The following CTRB2 variants were observed in gnomAD, a reference collection of about 807,000 sequenced individuals.
CTRB2 encodes the protein chymotrypsin B2.
Under a neutral mutation model 19.3 loss-of-function variants are expected in CTRB2, and 9 were observed. The ratio of observed to expected loss-of-function variants is 0.47; its 90% confidence interval spans 0.28 to 0.81. The LOEUF (loss-of-function observed/expected upper bound fraction) is 0.81, where lower values mean the gene tolerates loss of function less well. Among genes scored for constraint, CTRB2 ranks in the 40% least tolerant of loss-of-function variants. CTRB2 has a pLI of 0.11. For synonymous variants in CTRB2, 98 were observed against 117.3 expected, an observed-to-expected ratio of 0.84 and a Z score of 1.06; for missense variants, 210 against 269.7, an observed-to-expected ratio of 0.78 and a Z score of 1.55.
rs1002232425 is a variant in CTRB2 at position 75,204,657 on chromosome 16, C to T, written c.630+116G>A. 6 of 1,537,960 alleles carry T rather than the reference C, an allele frequency of 3.9e-6. No individual in the cohort carries two copies. In the Admixed American group the frequency reaches 9.9e-5, roughly 25 times the overall value. Reference sequence around the variant, plus strand: ...GCGGCTGTGACCCCAAGGCCTGGCCCTCACTGGGCCCCAGGAGGGTGTGGG... The same window carrying T: ...GCGGCTGTGACCCCAAGGCCTGGCCTTCACTGGGCCCCAGGAGGGTGTGGG... On this transcript the variant is annotated intron_variant, in intron 6 of 6. Coordinates refer to ENST00000303037, the MANE Select transcript of CTRB2 (RefSeq NM_001025200.4).
rs1373383909 is a variant in CTRB2 at position 75,204,138 on chromosome 16, C to G, written c.*23G>C. 2 of 1,614,080 alleles carry G rather than the reference C, an allele frequency of 1.2e-6. No homozygotes were observed. Among genetic ancestry groups the G allele is most frequent in the Non-Finnish European group, 8.5e-7 (1 of 1,179,944 alleles). ...ATGCATTTAATGGGAAATCTTAAGG[C>G]AGGGGTGGCAGGAGCTGCGGGCTCA... On this transcript the variant is annotated 3_prime_UTR_variant, in exon 7 of 7. Coordinates refer to ENST00000303037, the MANE Select transcript of CTRB2 (RefSeq NM_001025200.4).
chr16:75,204,706 G>A, intron 6 of CTRB2, 67 bp downstream of exon 6: 1 of 1,540,962 alleles, frequency 6.5e-7, no homozygotes, highest in Non-Finnish European at 8.8e-7. Flanking sequence ...AGCAGAGAGG[G>A]GTGGAAAGCC....
At chr16:75,204,597 A>C (rs1382878411) in intron 6 of CTRB2, 176 bp downstream of exon 6, 2 of 1,297,322 alleles carry the variant, frequency 1.5e-6, no homozygotes, top group Non-Finnish European at 2.1e-6. Flanking sequence ...CCCCAGGGGC[A>C]GCCTCAGCTG....
In CTRB2 at chr16:75,204,237, G is replaced by C; in HGVS notation, c.716C>G (p.Ser239Cys). Residue 239 changes from serine (S) to cysteine (C), a missense_variant, in exon 7 of 7, where the codon TCT becomes TGT. Physicochemically the swap from Ser to Cys is moderately radical, Grantham distance 112. Transcript: ENST00000303037. ...GGCGTACACAGCGGGCGTGGTGGTA[G>C]AGCAGGTGCGGCTGCCCCAGGACAC... ...GIVSWGSRTC[S>C]TTTPAVYARV... is the part of the protein sequence containing the mutation. The C allele has an allele frequency of 1.9e-6, 3 of 1,614,120 alleles. 1 individual carries two copies. In the South Asian group the frequency reaches 3.3e-5, roughly 18 times the overall value.
chr16:75,204,114 T>C lies in CTRB2; in HGVS notation c.*47A>G, dbSNP rs780969316. 7 of 1,612,288 alleles carry C rather than the reference T, an allele frequency of 4.3e-6. No individual in the cohort carries two copies. The highest frequency in any genetic ancestry group is 3.3e-5 in the South Asian group (3 of 91,040). Reference sequence around the variant, plus strand: ...AGTGCAGTCAGGGCTTCTAAACAGATGCATTTAATGGGAAATCTTAAGGCA... The same window carrying C: ...AGTGCAGTCAGGGCTTCTAAACAGACGCATTTAATGGGAAATCTTAAGGCA... On this transcript the variant is annotated 3_prime_UTR_variant, in exon 7 of 7. Coordinates refer to ENST00000303037, the MANE Select transcript of CTRB2 (RefSeq NM_001025200.4).
At chr16:75,204,693 G>C in intron 6 of CTRB2, 80 bp downstream of exon 6, 2 of 1,545,082 alleles carry the variant, frequency 1.3e-6, no homozygotes, top group Non-Finnish European at 1.7e-6. Flanking sequence ...GTTAGTAGAT[G>C]AGAGCAGAGA....
At position 75,206,206 on chromosome 16, in the gene CTRB2, G is replaced by T. The variant is rs1239418585; in HGVS notation, c.53-13C>A. 2 of 1,555,240 alleles carry T rather than the reference G, an allele frequency of 1.3e-6. No homozygotes were observed. Among genetic ancestry groups the T allele is most frequent in the Non-Finnish European group, 1.7e-6 (2 of 1,148,820 alleles). ...GGGACCCCGCAGCCTGGGGGCGGGA[G>T]TGGGCTGAGGGGTGGGTACCACCCA... is the stretch of plus-strand genomic sequence containing the variant. On this transcript the variant is annotated splice_polypyrimidine_tract_variant and intron_variant, in intron 1 of 6. Transcript: ENST00000303037.
At chr16:75,206,663 T>C in intron 1 of CTRB2, 1 of 305,930 alleles carries the variant, frequency 3.3e-6, no homozygotes, top group South Asian at 3.6e-5. Flanking sequence ...GAGCAGGAGT[T>C]TAAGAGGGTG....
chr16:75,204,329 G>C lies in CTRB2; in HGVS notation c.631-7C>G. 1.2e-6 allele frequency: 2 copies of C among 1,613,672 alleles called. No homozygotes were observed. Among genetic ancestry groups the C allele is most frequent in the Non-Finnish European group, 1.7e-6 (2 of 1,179,860 alleles). ...GGGGGCCTCCAGAGTCACCCTGCAG[G>C]AAGGAGAGGAAGTATCTCTAGGCCT... On this transcript the variant is annotated splice_polypyrimidine_tract_variant and splice_region_variant and intron_variant, in intron 6 of 6. Coordinates refer to ENST00000303037, the MANE Select transcript of CTRB2 (RefSeq NM_001025200.4).
chr16:75,204,243 G>A lies in CTRB2; in HGVS notation c.710C>T (p.Thr237Ile), dbSNP rs752798185. The change falls in exon 7 of 7, where the codon ACC becomes ATC. Residue 237 changes from threonine (T) to isoleucine (I), a missense_variant. Transcript: ENST00000303037. Reference protein sequence around the residue: ...LVGIVSWGSRTCSTTTPAVYA... With the variant: ...LVGIVSWGSRICSTTTPAVYA... ...CACAGCGGGCGTGGTGGTAGAGCAG[G>A]TGCGGCTGCCCCAGGACACAATGCC... 3 of 1,614,124 alleles carry A rather than the reference G, an allele frequency of 1.9e-6. No individual in the cohort carries two copies. The highest frequency in any genetic ancestry group is 3.3e-5 in the Admixed American group (2 of 60,018).
rs1434754261 is a variant in CTRB2, at chr16:75,204,925, G to T, written c.497-19C>A. The T allele has an allele frequency of 1.1e-6, 1 of 914,714 alleles. No homozygotes were observed. The highest frequency in any genetic ancestry group is 1.6e-6 in the Non-Finnish European group (1 of 631,490). The allele number at this position is 914,714 out of a possible 1,614,324, so 56.7% of individuals were successfully genotyped here. A position where few individuals can be genotyped will look rare whatever the true frequency, so the allele number is the denominator to read the frequency against. Reference sequence around the variant, plus strand: ...TTGTTGGCTGCAGGACAGGAGGAGGGTCAGGGCCCCTGGGCTCACTCAGCC... The same window carrying T: ...TTGTTGGCTGCAGGACAGGAGGAGGTTCAGGGCCCCTGGGCTCACTCAGCC... On this transcript the variant is annotated intron_variant, in intron 5 of 6. Coordinates refer to ENST00000303037, the MANE Select transcript of CTRB2 (RefSeq NM_001025200.4).
At chr16:75,206,237 G>A in intron 1 of CTRB2, 44 bp from the exon 2 acceptor site, 2 of 1,523,900 alleles carry the variant, frequency 1.3e-6, no homozygotes, top group Non-Finnish European at 1.8e-6. Flanking sequence ...ACCCACCCAG[G>A]TCCTAATGCT....
Position 75,206,199 on chromosome 16 carries a change from G to A in CTRB2, c.53-6C>T, listed in dbSNP as rs772528086. ...GATGGCGGGGACCCCGCAGCCTGGG[G>A]GCGGGAGTGGGCTGAGGGGTGGGTA... is the stretch of plus-strand genomic sequence containing the variant. On this transcript the variant is annotated splice_region_variant and splice_polypyrimidine_tract_variant and intron_variant, in intron 1 of 6. Coordinates refer to ENST00000303037, the MANE Select transcript of CTRB2 (RefSeq NM_001025200.4). 3 of 1,556,816 alleles carry A rather than the reference G, an allele frequency of 1.9e-6. No individual in the cohort carries two copies. The highest frequency in any genetic ancestry group is 2.7e-5 in the African/African-American group (2 of 73,484).
chr16:75,204,315 G>C lies in CTRB2; in HGVS notation c.638C>G (p.Ser213Cys), dbSNP rs766377326. 1.2e-5 allele frequency: 20 copies of C among 1,613,828 alleles called. No homozygotes were observed. Among genetic ancestry groups the C allele is most frequent in the African/African-American group, 5.3e-5 (4 of 74,908 alleles). Reference sequence around the variant, plus strand: ...CTTCTGGCAGACCAGGGGGCCTCCAGAGTCACCCTGCAGGAAGGAGAGGAA... The same window carrying C: ...CTTCTGGCAGACCAGGGGGCCTCCACAGTCACCCTGCAGGAAGGAGAGGAA... ...ASGVSSCMGD[S>C]GGPLVCQKDG... Residue 213 changes from serine to cysteine, a missense_variant, in exon 7 of 7, where the codon TCT (serine) becomes TGT (cysteine). Around this residue, in one of 4 missense-constraint regions of CTRB2, gnomAD observed 120 missense variants for 90.8 expected, o/e 1.32. Transcript: ENST00000303037.
intron 1 of CTRB2, chr16:75,206,825 C>T (rs897610643): frequency 2.0e-5 from 10 of 500,966 alleles, no homozygotes; most frequent in Non-Finnish European, 3.7e-5. Context: ...CTCCCCCCGC[C>T]TCCTCCCCTG....
At position 75,204,895 on chromosome 16, in the gene CTRB2, G is replaced by A. The variant is rs1046628211; in HGVS notation, c.508C>T (p.Pro170Ser). The A allele has an allele frequency of 9.1e-7, 1 of 1,096,734 alleles. No individual in the cohort carries two copies. The highest frequency in any genetic ancestry group is 1.8e-5 in the African/African-American group (1 of 54,462). 67.9% of individuals were successfully genotyped at this position (1,096,734 alleles called of 1,614,324 possible). A position where few individuals can be genotyped will look rare whatever the true frequency, so the allele number is the denominator to read the frequency against. ...GKTKYNANKT[P>S]DKLQQAALPL... ...AGGGCTGCCTGCTGCAGCTTGTCAG[G>A]GGTCTTGTTGGCTGCAGGACAGGAG... The change falls in exon 6 of 7, where the codon CCT becomes TCT. Residue 170 changes from proline to serine, a missense_variant. Pro to Ser is a moderately conservative substitution (Grantham distance 74, BLOSUM62 -1). Transcript: ENST00000303037.
chr16:75,204,538 G>A (rs1363201778), intron 6 of CTRB2, among the ~76,000 whole-genome samples: 1 of 152,128 alleles, frequency 6.6e-6, no homozygotes, highest in African/African-American at 2.4e-5. Flanking sequence ...TCTAAGCCGG[G>A]GCACCATCCA....
Position 75,204,193 on chromosome 16 carries a change from G to A in CTRB2, c.760C>T (p.Pro254Ser), listed in dbSNP as rs748249913. ...AVYARVAKLI[P>S]WVQKILAAN ...GCGGCCAGGATCTTCTGCACCCAGG[G>A]TATGAGCTTGGCGACACGGGCGTAC... Residue 254 changes from proline to serine, a missense_variant, in exon 7 of 7, where the codon CCC becomes TCC. Coordinates refer to ENST00000303037, the MANE Select transcript of CTRB2 (RefSeq NM_001025200.4). 7.4e-6 allele frequency: 12 copies of A among 1,614,038 alleles called. No individual in the cohort carries two copies. The highest frequency in any genetic ancestry group is 2.7e-5 in the African/African-American group (2 of 74,918).
Position 75,204,293 on chromosome 16 carries a change from C to T in CTRB2, c.660G>A (p.Gln220=), listed in dbSNP as rs1130512. ...CCACCAGGGTCCAGGCTCCGTCCTTCTGGCAGACCAGGGGGCCTCCAGAGT... is the reference window on the plus strand; with the variant it reads ...CCACCAGGGTCCAGGCTCCGTCCTTTTGGCAGACCAGGGGGCCTCCAGAGT... ...MGDSGGPLVC[Q]KDGAWTLVGI... The change falls in exon 7 of 7, where the codon CAG becomes CAA. Residue 220 remains glutamine, a synonymous_variant. Coordinates refer to ENST00000303037, the MANE Select transcript of CTRB2 (RefSeq NM_001025200.4). 1.6e-4 allele frequency: 251 copies of T among 1,614,106 alleles called. No homozygotes were observed. Among genetic ancestry groups the T allele is most frequent in the Admixed American group, 1.1e-3 (65 of 60,024 alleles).
Sources: gnomAD v4.1 joint callset for allele counts (sites outside exome capture counted in the v4.1 genomes callset) on GRCh38, gnomAD v4.1.1 for gene constraint, gnomAD v4.1.1 regional missense constraint, MANE v1.5 for transcripts, NCBI Gene and HGNC (gene_info 2026-07-23, HGNC 2026-07-21) for gene names.